The following DLG2 variants were observed in gnomAD, a reference collection of about 807,000 sequenced individuals.
DLG2 encodes the protein discs large MAGUK scaffold protein 2.
A neutral mutation model predicts 132.5 loss-of-function variants in DLG2; 45 were observed. The ratio of observed to expected loss-of-function variants is 0.34; its 90% CI spans 0.27 to 0.44. The LOEUF is 0.44. Among genes scored for constraint, DLG2 ranks in the 20% least tolerant of loss-of-function variants. The probability of loss-of-function intolerance (pLI) is 1.00; values close to 1 mark genes in which losing one functional copy is unlikely to be tolerated. For synonymous variants in DLG2, 424 were observed against 419.6 expected (o/e 1.01, Z -0.13); for missense variants, 1,045 against 1,196.9 (o/e 0.87, Z 1.87).
chr11:85,268,001 T>A (rs941163924), intron 4 of DLG2, among the ~76,000 whole-genome samples: 1 of 152,176 alleles, frequency 6.6e-6, no homozygotes, highest in East Asian at 1.9e-4. Flanking sequence ...AACTGCTCCC[T>A]GTATTTAATT....
intron 19 of DLG2, among the ~76,000 whole-genome samples, chr11:83,613,277 G>A (rs478048): frequency 0.34 from 51,412 of 152,026 alleles, 9,407 homozygotes; most frequent in East Asian, 0.51. Flanking sequence ...AGTTGTACCT[G>A]AATTTACTGC....
At position 83,874,403 on chromosome 11, in the gene DLG2, C is replaced by T; in HGVS notation, c.1565+17G>A. On this transcript the variant is annotated intron_variant, in intron 16 of 27. Coordinates refer to ENST00000376104, the MANE Select transcript of DLG2 (RefSeq NM_001142699.3). Reference sequence around the variant, plus strand: ...CCAAGGCTGCACAGTTTAAGAGGTTCTGTATTATTATCTTACCCTTCCAGG... The same window carrying T: ...CCAAGGCTGCACAGTTTAAGAGGTTTTGTATTATTATCTTACCCTTCCAGG... 1 of 1,569,682 alleles carries T rather than the reference C, an allele frequency of 6.4e-7. No individual in the cohort carries two copies. Among genetic ancestry groups the T allele is most frequent in the Non-Finnish European group, 8.7e-7 (1 of 1,151,262 alleles).
At chr11:84,053,566 T>C (rs1202886001) in intron 11 of DLG2, among the ~76,000 whole-genome samples, 1 of 152,000 alleles carries the variant, frequency 6.6e-6, no homozygotes, top group African/African-American at 2.4e-5. Context: ...CTGCCAAATA[T>C]GGTAATAAGA....
chr11:84,222,543 C>A (rs546724058), intron 8 of DLG2, among the ~76,000 whole-genome samples: 1 of 152,296 alleles, frequency 6.6e-6, no homozygotes, highest in East Asian at 1.9e-4. Flanking sequence ...ATAGTACTAT[C>A]TAAAATCTTT....
chr11:85,216,050 T>C (rs1565170943), intron 4 of DLG2, among the ~76,000 whole-genome samples: 1 of 148,470 alleles, frequency 6.7e-6, no homozygotes, highest in Non-Finnish European at 1.5e-5. Flanking sequence ...GGCACAATGA[T>C]GTGCATTTGT....
intron 6 of DLG2, among the ~76,000 whole-genome samples, chr11:85,070,715 T>TC (rs2065721038): frequency 6.6e-6 from 1 of 151,836 alleles, no homozygotes; most frequent in Non-Finnish European, 1.5e-5. Context: ...CTATATATAA[T>TC]CACTTACCAT....
intron 17 of DLG2, among the ~76,000 whole-genome samples, chr11:83,788,068 T>C (rs1193193444): frequency 6.6e-6 from 1 of 152,206 alleles, no homozygotes; most frequent in East Asian, 1.9e-4. Context: ...CTTCCTTTTA[T>C]TCATGGGGCA....
At chr11:83,906,945 GAT>G (rs1411864942) in intron 15 of DLG2, among the ~76,000 whole-genome samples, 2 of 152,106 alleles carry the variant, frequency 1.3e-5, no homozygotes, top group East Asian at 3.9e-4. Flanking sequence ...CCTAATATAA[GAT>G]AAAAGTACTA....
At chr11:85,427,002 C>T (rs529838108) in intron 3 of DLG2, among the ~76,000 whole-genome samples, 15 of 152,088 alleles carry the variant, frequency 9.9e-5, no homozygotes, top group Admixed American at 5.2e-4. Flanking sequence ...GTAGCCAATT[C>T]GATCAACTGT....
chr11:84,584,924 G>C (rs1388657746), intron 6 of DLG2, among the ~76,000 whole-genome samples: 1 of 151,494 alleles, frequency 6.6e-6, no homozygotes, highest in Non-Finnish European at 1.5e-5. Context: ...TCCTGACCTC[G>C]TGATCCGCCC....
At chr11:83,867,329 C>T (rs1476220976) in intron 16 of DLG2, among the ~76,000 whole-genome samples, 2 of 152,066 alleles carry the variant, frequency 1.3e-5, no homozygotes, top group Non-Finnish European at 2.9e-5. Context: ...ATGAGAGCCA[C>T]ATAAAACACT....
intron 19 of DLG2, among the ~76,000 whole-genome samples, chr11:83,604,968 C>A (rs2059110214): frequency 6.9e-6 from 1 of 145,660 alleles, no homozygotes; most frequent in African/African-American, 2.5e-5. Context: ...ATGTTAGGTG[C>A]CATATAATCA....
chr11:84,562,944 G>A lies in DLG2; in HGVS notation c.358-28213C>T, dbSNP rs1307985607. On this transcript the variant is annotated intron_variant, in intron 6 of 27. Transcript: ENST00000376104. ...ATTTTTTATTTTTCATAGACATGGG[G>A]TCTTGGCATGTTGTTCAGGCTGTTC... is the stretch of plus-strand genomic sequence containing the variant. 3.3e-5 allele frequency among the ~76,000 whole-genome samples: 5 copies of A among 152,016 alleles called. No homozygotes were observed. The East Asian group carries it at 5.8e-4, about 18-fold the overall frequency.
chr11:85,401,445 C>G (rs914152594), intron 3 of DLG2, among the ~76,000 whole-genome samples: 2 of 152,178 alleles, frequency 1.3e-5, no homozygotes, highest in Non-Finnish European at 1.5e-5. Context: ...AGGACACCCT[C>G]TCTCACCACT....
chr11:84,553,706 C>T (rs1480110941), intron 6 of DLG2, among the ~76,000 whole-genome samples: 1 of 152,134 alleles, frequency 6.6e-6, no homozygotes, highest in Non-Finnish European at 1.5e-5. Flanking sequence ...CAGTTTCTTA[C>T]AATTCTTTCC....
intron 15 of DLG2, among the ~76,000 whole-genome samples, chr11:83,884,625 G>T (rs1001258120): frequency 3.3e-5 from 5 of 152,186 alleles, no homozygotes; most frequent in Non-Finnish European, 5.9e-5. Context: ...GAGATCTGAG[G>T]ACGGGCAGAC....
intron 3 of DLG2, among the ~76,000 whole-genome samples, chr11:85,426,508 G>C (rs561638429): frequency 9.9e-4 from 151 of 152,298 alleles, no homozygotes; most frequent in South Asian, 6.4e-3. Context: ...CTGATACTCA[G>C]GCAAACAGGG....
intron 19 of DLG2, among the ~76,000 whole-genome samples, chr11:83,605,524 T>C (rs2059217013): frequency 6.6e-6 from 1 of 152,220 alleles, no homozygotes; most frequent in South Asian, 2.1e-4. Flanking sequence ...AAGTGCCACA[T>C]AATATTCTGA....
chr11:84,041,227 G>A (rs74593288), intron 11 of DLG2, among the ~76,000 whole-genome samples: 2,167 of 151,886 alleles, frequency 0.014, 47 homozygotes, highest in African/African-American at 0.049. Context: ...TTTTTGGTTC[G>A]ATTTTTGCCA....
Sources: allele counts gnomAD v4.1 joint callset (sites outside exome capture counted in the v4.1 genomes callset), GRCh38; gene constraint gnomAD v4.1.1; transcripts MANE v1.5; gene names NCBI Gene and HGNC (gene_info 2026-07-23, HGNC 2026-07-21).